The following TANGO6 variants were observed in gnomAD, a reference collection of about 807,000 sequenced individuals.
TANGO6 encodes the protein transport and golgi organization 6 homolog, also known as transport and Golgi organization protein 6 homolog.
TANGO6 carries 90 observed loss-of-function variants against 114.2 expected under a neutral mutation model. That is an observed-to-expected ratio of 0.79 (90% CI 0.66 to 0.94). The LOEUF is 0.94. Among genes scored for constraint, TANGO6 ranks in the 40% least tolerant of loss-of-function variants. The pLI is 0.00. For synonymous variants in TANGO6, 477 were observed against 509.8 expected (o/e 0.94, Z 0.87); for missense variants, 1,274 against 1,315.3 (o/e 0.97, Z 0.49).
At chr16:68,907,253 A>C (rs1337573558) in intron 9 of TANGO6, among the ~76,000 whole-genome samples, 190 bp from the exon 10 acceptor site, 1 of 152,084 alleles carries the variant, frequency 6.6e-6, no homozygotes, top group African/African-American at 2.4e-5. Context: ...GGCCCATAAC[A>C]GCCTAGTTTC....
intron 16 of TANGO6, among the ~76,000 whole-genome samples, chr16:69,025,205 C>T (rs745888788): frequency 2.4e-4 from 37 of 152,232 alleles, no homozygotes; most frequent in Non-Finnish European, 5.0e-4. Flanking sequence ...GTACCACATT[C>T]AGCAGTTCCC....
intron 13 of TANGO6, 88 bp downstream of exon 13, chr16:68,928,171 A>C: frequency 4.2e-6 from 6 of 1,423,162 alleles, no homozygotes; most frequent in Non-Finnish European, 5.5e-6. Context: ...CTATGTGTCA[A>C]GTGCTGTTCT....
At chr16:68,905,691 G>A (rs1962840758) in intron 9 of TANGO6, among the ~76,000 whole-genome samples, 1 of 151,830 alleles carries the variant, frequency 6.6e-6, no homozygotes, top group Non-Finnish European at 1.5e-5. Flanking sequence ...GGGCAATGTG[G>A]CAAAACCCGG....
At chr16:68,979,213 C>T (rs569788257) in intron 15 of TANGO6, among the ~76,000 whole-genome samples, 1 of 151,946 alleles carries the variant, frequency 6.6e-6, no homozygotes, top group South Asian at 2.1e-4. Flanking sequence ...AACCACAGCA[C>T]CCAGCCTGAA....
At position 68,909,767 on chromosome 16, in the gene TANGO6, A is replaced by G. The variant is rs575600215; in HGVS notation, c.1992+365A>G. ...AGAGATTCTGATTCAGCATGTCTGC[A>G]TTAGAGCCCGGGCATCTTCGTCCTA... On this transcript the variant is annotated intron_variant, in intron 11 of 17. Transcript: ENST00000261778. 1.2e-3 allele frequency among the ~76,000 whole-genome samples: 181 copies of G among 152,324 alleles called. 2 individuals are homozygous for G. The highest frequency in any genetic ancestry group is 0.011 in the Admixed American group (161 of 15,290).
intron 14 of TANGO6, among the ~76,000 whole-genome samples, chr16:68,940,143 A>G (rs1276441548): frequency 8.3e-5 from 5 of 60,370 alleles, no homozygotes; most frequent in African/African-American, 3.5e-4. Context: ...CTTTCTTTTT[A>G]TTTTGTTTTT....
At chr16:68,945,639 C>A (rs1963406674) in intron 14 of TANGO6, among the ~76,000 whole-genome samples, 1 of 151,582 alleles carries the variant, frequency 6.6e-6, no homozygotes, top group African/African-American at 2.4e-5. Context: ...TTTATGAGTT[C>A]ATTGCCCATT....
At chr16:69,018,265 A>C (rs251109) in intron 15 of TANGO6, among the ~76,000 whole-genome samples, 56,272 of 146,656 alleles carry the variant, frequency 0.38, 12,527 homozygotes, top group East Asian at 0.54. Flanking sequence ...TGCCTCAGCC[A>C]CCCGAGTAGC....
chr16:69,012,556 C>CAAAAAAAAAAAAAAAAAAAAA (rs1175561720), intron 15 of TANGO6, among the ~76,000 whole-genome samples: 4 of 36,484 alleles, frequency 1.1e-4, no homozygotes, highest in Admixed American at 3.7e-4. Context: ...AACTCTGTCT[C>CAAAAAAAAAAAAAAAAAAAAA]AAAAAAAAAA....
At chr16:69,072,718 C>T (rs1960315551) in intron 17 of TANGO6, among the ~76,000 whole-genome samples, 1 of 152,136 alleles carries the variant, frequency 6.6e-6, no homozygotes, top group African/African-American at 2.4e-5. Flanking sequence ...TTACTAAAAA[C>T]AGAGATCCGG....
Position 69,009,382 on chromosome 16 carries a change from G to A in TANGO6, c.2843-13446G>A, listed in dbSNP as rs117035402. 6.5e-3 allele frequency among the ~76,000 whole-genome samples: 986 copies of A among 152,156 alleles called. 19 individuals carry two copies. Among genetic ancestry groups the A allele is most frequent in the Admixed American group, 0.039 (600 of 15,268 alleles). On this transcript the variant is annotated intron_variant, in intron 15 of 17. Transcript: ENST00000261778. ...AGGCGTGAGCCACTGCGCCTGGCCC[G>A]AGAGTTTATTTCTTGACCCTCAGTT... is the stretch of plus-strand genomic sequence containing the variant.
At chr16:69,012,556 C>CAAAAAAAAAAAAAAAAAAAAAAAGAAAAA (rs1175561720) in intron 15 of TANGO6, among the ~76,000 whole-genome samples, 4 of 36,512 alleles carry the variant, frequency 1.1e-4, no homozygotes, top group Non-Finnish European at 1.5e-4. Context: ...AACTCTGTCT[C>CAAAAAAAAAAAAAAAAAAAAAAAGAAAAA]AAAAAAAAAA....
intron 14 of TANGO6, among the ~76,000 whole-genome samples, chr16:68,958,770 C>T (rs978533992): frequency 5.9e-5 from 9 of 151,740 alleles, no homozygotes; most frequent in Middle Eastern, 3.2e-3. Flanking sequence ...CCTGTCTCTA[C>T]GAAGCATTTT....
intron 11 of TANGO6, among the ~76,000 whole-genome samples, chr16:68,911,987 T>A (rs917444035): frequency 1.3e-5 from 2 of 152,172 alleles, no homozygotes; most frequent in African/African-American, 2.4e-5. Context: ...ATCAAAGATA[T>A]AAAAATCTGA....
At chr16:68,918,383 A>C (rs752759040) in intron 11 of TANGO6, among the ~76,000 whole-genome samples, 2 of 152,186 alleles carry the variant, frequency 1.3e-5, no homozygotes, top group African/African-American at 2.4e-5. Flanking sequence ...GCTTATCATT[A>C]CTTTCTTTCA....
intron 3 of TANGO6, among the ~76,000 whole-genome samples, chr16:68,864,381 G>T (rs1962145822): frequency 6.6e-6 from 1 of 151,908 alleles, no homozygotes; most frequent in Admixed American, 6.6e-5. Flanking sequence ...TGAGGCCAAC[G>T]TGGGCAACAT....
chr16:68,962,404 A>G (rs1449814648), intron 14 of TANGO6, among the ~76,000 whole-genome samples: 1 of 152,196 alleles, frequency 6.6e-6, no homozygotes, highest in Non-Finnish European at 1.5e-5. Context: ...TCTGTTAACC[A>G]TCATTTGTTA....
chr16:68,962,749 A>G (rs1963605572), intron 14 of TANGO6, among the ~76,000 whole-genome samples: 1 of 151,772 alleles, frequency 6.6e-6, no homozygotes, highest in South Asian at 2.1e-4. Flanking sequence ...CAACAAGAGC[A>G]AAACTCTGTC....
Position 69,083,702 on chromosome 16 carries a change from C to T in TANGO6, c.*41C>T. The T allele has an allele frequency of 6.5e-7, 1 of 1,535,388 alleles. No homozygotes were observed. ...CGTGGAGGAGGCAGGCAGGGCCAGGCACCCAGAGCCGTGCCCAGGTCTTCC... is the reference window on the plus strand; with the variant it reads ...CGTGGAGGAGGCAGGCAGGGCCAGGTACCCAGAGCCGTGCCCAGGTCTTCC... On this transcript the variant is annotated 3_prime_UTR_variant, in exon 18 of 18. Transcript: ENST00000261778.
Sources: allele counts gnomAD v4.1 joint callset (sites outside exome capture counted in the v4.1 genomes callset), GRCh38; gene constraint gnomAD v4.1.1; transcripts MANE v1.5; gene names NCBI Gene and HGNC (gene_info 2026-07-23, HGNC 2026-07-21).